FBXO10: variants seen among roughly 807,000 people sequenced by gnomAD.
FBXO10 encodes the protein F-box only protein 10.
FBXO10 carries 39 observed loss-of-function variants against 80.7 expected under a neutral mutation model. That is an observed-to-expected ratio of 0.48 (90% confidence interval 0.37 to 0.63). The LOEUF (loss-of-function observed/expected upper bound fraction) is 0.63, where lower values mean the gene tolerates loss of function less well. Ranked by LOEUF, FBXO10 falls within the 30% of genes least tolerant of loss-of-function variation. The pLI, the probability that FBXO10 is intolerant of heterozygous loss-of-function variation, is 0.00. For synonymous variants in FBXO10, 449 were observed against 489.6 expected, an observed-to-expected ratio of 0.92 and a Z score of 1.09; for missense variants, 1,025 against 1,269.0, an observed-to-expected ratio of 0.81 and a Z score of 2.92.
intron 10 of FBXO10, among the ~76,000 whole-genome samples, chr9:37,514,042 G>C (rs1361717518): frequency 6.6e-6 from 1 of 152,190 alleles, no homozygotes; most frequent in African/African-American, 2.4e-5. Context: ...TGATGCTTGA[G>C]TTACAAGGAA....
intron 1 of FBXO10, chr9:37,575,373 A>G (rs1588868305): frequency 6.6e-6 from 1 of 152,368 alleles, no homozygotes; most frequent in East Asian, 1.9e-4. Context: ...AAATGTGATT[A>G]TTCTGCTGAA....
chr9:37,524,778 G>C (rs7041752), intron 6 of FBXO10, among the ~76,000 whole-genome samples: 2 of 151,936 alleles, frequency 1.3e-5, no homozygotes, highest in Non-Finnish European at 1.5e-5. Context: ...GAGGTTTCCA[G>C]AGCAGGCAGA....
At chr9:37,534,240 A>G (rs1221589210) in intron 3 of FBXO10, among the ~76,000 whole-genome samples, 1 of 152,210 alleles carries the variant, frequency 6.6e-6, no homozygotes, top group Non-Finnish European at 1.5e-5. Flanking sequence ...CTAAAGTAGA[A>G]CAAGAGTATA....
chr9:37,559,108 C>T (rs184644919), intron 1 of FBXO10, among the ~76,000 whole-genome samples: 2 of 151,968 alleles, frequency 1.3e-5, no homozygotes, highest in East Asian at 1.9e-4. Flanking sequence ...CGCGCCTGGC[C>T]GAAAAAAGAA....
At chr9:37,532,615 G>T (rs1227381023) in intron 3 of FBXO10, among the ~76,000 whole-genome samples, 1 of 152,080 alleles carries the variant, frequency 6.6e-6, no homozygotes, top group Non-Finnish European at 1.5e-5. Flanking sequence ...CAAACTGCTG[G>T]CATTACAGGC....
intron 9 of FBXO10, 87 bp from the exon 10 acceptor site, chr9:37,516,172 C>T: frequency 7.0e-7 from 1 of 1,423,952 alleles, no homozygotes. Flanking sequence ...AGTTCTAAAA[C>T]CAAGAGGCAG....
intron 1 of FBXO10, among the ~76,000 whole-genome samples, chr9:37,558,220 A>G (rs1002883638): frequency 6.6e-6 from 1 of 152,196 alleles, no homozygotes; most frequent in Non-Finnish European, 1.5e-5. Context: ...AACCTAATCT[A>G]TACCACCTTC....
Position 37,525,160 on chromosome 9 carries a change from G to A in FBXO10, c.1719C>T (p.Ile573=). Residue 573 remains isoleucine, a synonymous_variant, in exon 6 of 11, where the codon ATC becomes ATT. Coordinates refer to ENST00000432825, the MANE Select transcript of FBXO10 (RefSeq NM_012166.3). ...CTATGCCGGCAGCACGGCCCTTGAA[G>A]ATGTGGTTCCCGCTAAAGTGGAAGG... is the stretch of plus-strand genomic sequence containing the variant. ...HGNPVVSGNH[I]FKGRAAGIAV... is the part of the protein sequence containing the mutation. The A allele has an allele frequency of 6.4e-7, 1 of 1,562,870 alleles. No homozygotes were observed. Among genetic ancestry groups the A allele is most frequent in the Non-Finnish European group, 8.7e-7 (1 of 1,153,394 alleles).
intron 8 of FBXO10, 31 bp from the exon 9 acceptor site, chr9:37,518,469 G>A (rs1372674632): frequency 7.1e-6 from 11 of 1,538,566 alleles, no homozygotes; most frequent in Non-Finnish European, 9.6e-6. Flanking sequence ...AAGCACAGGG[G>A]GTCCCAGGGT....
chr9:37,547,866 G>A (rs1190778174), intron 1 of FBXO10, among the ~76,000 whole-genome samples: 1 of 152,082 alleles, frequency 6.6e-6, no homozygotes, highest in Non-Finnish European at 1.5e-5. Context: ...GCTGAGGTGG[G>A]AGAATCCCTT....
At chr9:37,521,463 T>A (rs1023881950) in intron 8 of FBXO10, 106 bp downstream of exon 8, 83 of 1,324,452 alleles carry the variant, frequency 6.3e-5, no homozygotes, top group Non-Finnish European at 5.0e-6. Flanking sequence ...GACATTAAAG[T>A]TTACTTTTAA....
At chr9:37,553,913 C>G (rs1287354721) in intron 1 of FBXO10, among the ~76,000 whole-genome samples, 10 of 102,620 alleles carry the variant, frequency 9.7e-5, no homozygotes, top group African/African-American at 4.3e-4. Context: ...CGAAAGTCTG[C>G]CTCAAAAAAA....
chr9:37,527,175 G>C (rs975699481), intron 5 of FBXO10, among the ~76,000 whole-genome samples: 14 of 152,126 alleles, frequency 9.2e-5, no homozygotes, highest in African/African-American at 3.1e-4. Context: ...TAATTCCCCT[G>C]CTTCCTTCTC....
intron 7 of FBXO10, chr9:37,522,255 T>C (rs1423452570): frequency 5.4e-6 from 4 of 735,902 alleles, no homozygotes; most frequent in African/African-American, 1.9e-5. Flanking sequence ...AGTTTTCTCA[T>C]CTTTTAAATG....
chr9:37,550,169 G>GTTTTTTTTTTTTTTTTTT lies in FBXO10; in HGVS notation c.-6-8413_-6-8396dup, dbSNP rs74171511. On this transcript the variant is annotated intron_variant, in intron 1 of 10. Transcript: ENST00000432825. ...CAGTTTTCTTTTTTTGTCGTCTCAG[G>GTTTTTTTTTTTTTTTTTT]TTTTTTTTTTTTTTTTTTTTTTTTT... Among the ~76,000 whole-genome samples the GTTTTTTTTTTTTTTTTTT allele has an allele frequency of 1.8e-4, 12 of 68,004 alleles. 1 individual carries two copies. The highest frequency in any genetic ancestry group is 3.9e-4 in the Admixed American group (2 of 5,152). The allele number at this position is 68,004 out of a possible 152,430, so 44.6% of individuals were successfully genotyped here.
Position 37,541,754 on chromosome 9 carries a change from G to C in FBXO10, c.15C>G (p.Gly5=). The change falls in exon 2 of 11, where the codon GGC becomes GGG. Residue 5 remains glycine (G), a synonymous_variant. Transcript: ENST00000432825. MEAG[G]LPLELWRMIL... ...TCATGCGCCACAGCTCCAAGGGGAG[G>C]CCACCAGCCTCCATGGTCACCTAGG... 1 of 1,597,026 alleles carries C rather than the reference G, an allele frequency of 6.3e-7. No individual in the cohort carries two copies. The highest frequency in any genetic ancestry group is 8.6e-7 in the Non-Finnish European group (1 of 1,168,876).
chr9:37,520,585 A>G (rs1821316956), intron 8 of FBXO10, among the ~76,000 whole-genome samples: 1 of 137,608 alleles, frequency 7.3e-6, no homozygotes, highest in Non-Finnish European at 1.5e-5. Context: ...GCGGGTCTTG[A>G]ACACCTGGCC....
At chr9:37,538,967 T>C (rs992663608) in intron 2 of FBXO10, among the ~76,000 whole-genome samples, 17 of 152,116 alleles carry the variant, frequency 1.1e-4, no homozygotes, top group African/African-American at 3.6e-4. Flanking sequence ...CCTAATTCAT[T>C]TGGGCCCCTT....
In FBXO10 at chr9:37,512,419, G is replaced by C; in HGVS notation, c.*128C>G. On this transcript the variant is annotated 3_prime_UTR_variant, in exon 11 of 11. Transcript: ENST00000432825. ...GGAGCTGAAGTGTTCTGGAGGTACC[G>C]TGTTTTGGAGGCCCGGGACCCATTT... 1 of 939,336 alleles carries C rather than the reference G, an allele frequency of 1.1e-6. No homozygotes were observed. The highest frequency in any genetic ancestry group is 1.6e-6 in the Non-Finnish European group (1 of 626,742). 58.2% of individuals were successfully genotyped at this position (939,336 alleles called of 1,614,324 possible). A position where few individuals can be genotyped will look rare whatever the true frequency, so the allele number is the denominator to read the frequency against.
Sources: allele counts gnomAD v4.1 joint callset (sites outside exome capture counted in the v4.1 genomes callset), GRCh38; gene constraint gnomAD v4.1.1; transcripts MANE v1.5; gene names NCBI Gene and HGNC (gene_info 2026-07-23, HGNC 2026-07-21).